The following NBAS variants were observed in gnomAD, a reference collection of about 807,000 sequenced individuals.
NBAS encodes NBAS subunit of NRZ tethering complex, also known as NAG/BC035112 fusion.
A neutral mutation model predicts 302.5 loss-of-function variants in NBAS; 219 were observed. The observed-to-expected ratio is 0.72, with a 90% CI of 0.65 to 0.81. NBAS has a LOEUF of 0.81. NBAS is among the 30% of genes least tolerant of loss of function. The pLI is 0.00. For synonymous variants in NBAS, 1,118 were observed against 1,021.6 expected (o/e 1.09, Z -1.80); for missense variants, 2,932 against 2,841.6 (o/e 1.03, Z -0.72).
intron 40 of NBAS, among the ~76,000 whole-genome samples, chr2:15,307,858 C>T (rs1465153737): frequency 1.3e-5 from 2 of 152,070 alleles, no homozygotes; most frequent in Non-Finnish European, 2.9e-5. Context: ...ATGTTGCCTA[C>T]TTTCCTAAGT....
Position 15,327,795 on chromosome 2 carries a change from A to C in NBAS, c.4537T>G (p.Leu1513Val). The change falls in exon 38 of 52, where the codon TTG becomes GTG. Residue 1513 changes from leucine to valine, a missense_variant. Physicochemically the swap from Leu to Val is conservative, Grantham distance 32. Coordinates refer to ENST00000281513, the MANE Select transcript of NBAS (RefSeq NM_015909.4). ...TCTCCTTTATTTTTAGCCTCTGCCA[A>C]TTTTCCAGTTCTCAGCAATACTTCT... ...FAEVLLRTGK[L>V]AEAKNKGEVF... 1 of 1,613,626 alleles carries C rather than the reference A, an allele frequency of 6.2e-7. No homozygotes were observed. The highest frequency in any genetic ancestry group is 8.5e-7 in the Non-Finnish European group (1 of 1,179,784).
At chr2:14,822,507 G>C in the NBAS span, among the ~76,000 whole-genome samples, 1 of 152,124 alleles carries the variant, frequency 6.6e-6, no homozygotes, top group African/African-American at 2.4e-5. Flanking sequence ...TTTGGCCTAT[G>C]GCTTTTGTAT....
the NBAS span, among the ~76,000 whole-genome samples, chr2:15,103,123 G>A: frequency 3.6e-4 from 54 of 152,026 alleles, no homozygotes; most frequent in Non-Finnish European, 7.2e-4. Context: ...ATGTTTTTGA[G>A]GAAACAAACC....
intron 44 of NBAS, among the ~76,000 whole-genome samples, chr2:15,242,849 T>C (rs1324307948): frequency 2.0e-5 from 3 of 152,112 alleles, no homozygotes; most frequent in South Asian, 2.1e-4. Flanking sequence ...TAAAGATAAG[T>C]GGCTAAACCG....
Position 15,351,319 on chromosome 2 carries a change from G to C in NBAS, c.4179+673C>G, listed in dbSNP as rs571998582. Among the ~76,000 whole-genome samples the C allele has an allele frequency of 3.2e-4, 49 of 152,240 alleles. No individual in the cohort carries two copies. The South Asian group carries it at 1.0e-2, about 31-fold the overall frequency. ...TTAAAACAAAAACAAAAGTCACAAA[G>C]ATCTGGTTATCAGGATTAGTCAGGA... On this transcript the variant is annotated intron_variant, in intron 35 of 51. Transcript: ENST00000281513.
intron 6 of NBAS, among the ~76,000 whole-genome samples, chr2:15,546,274 T>C (rs571710052): frequency 6.6e-5 from 10 of 152,314 alleles, no homozygotes; most frequent in Non-Finnish European, 1.3e-4. Context: ...TTCTTTTCTT[T>C]TTTCTCACTT....
chr2:15,030,384 C>A, the NBAS span, among the ~76,000 whole-genome samples: 1 of 152,244 alleles, frequency 6.6e-6, no homozygotes, highest in African/African-American at 2.4e-5. Context: ...ATTATTGGAG[C>A]TTTGTCAGCA....
intron 44 of NBAS, among the ~76,000 whole-genome samples, chr2:15,252,986 C>T (rs1466555821): frequency 2.0e-5 from 3 of 151,850 alleles, no homozygotes; most frequent in East Asian, 3.9e-4. Context: ...GAAGGTGACA[C>T]CTGAAGCAGA....
intron 48 of NBAS, among the ~76,000 whole-genome samples, chr2:15,210,694 C>T (rs1353403845): frequency 6.6e-6 from 1 of 152,142 alleles, no homozygotes; most frequent in East Asian, 1.9e-4. Flanking sequence ...CAACACTGTT[C>T]ACAACAGCCA....
At chr2:15,432,288 A>G in intron 21 of NBAS, among the ~76,000 whole-genome samples, 1 of 151,990 alleles carries the variant, frequency 6.6e-6, no homozygotes. Context: ...AAAAAAAAAA[A>G]AAAGGATTAT....
chr2:15,229,539 T>C (rs1374000294), intron 47 of NBAS, among the ~76,000 whole-genome samples: 3 of 151,868 alleles, frequency 2.0e-5, no homozygotes, highest in African/African-American at 7.3e-5. Flanking sequence ...CCCAACACTT[T>C]GGGAGGCCGA....
At chr2:15,282,457 T>C (rs977678810) in intron 42 of NBAS, among the ~76,000 whole-genome samples, 3 of 152,198 alleles carry the variant, frequency 2.0e-5, no homozygotes, top group African/African-American at 7.2e-5. Flanking sequence ...ATAGACCTTG[T>C]TCTTACCCAT....
chr2:15,553,765 C>T (rs1303306199), intron 4 of NBAS, among the ~76,000 whole-genome samples: 3 of 132,690 alleles, frequency 2.3e-5, no homozygotes, highest in Non-Finnish European at 4.8e-5. Context: ...CTTCTCTTTA[C>T]CTCCCTCCCT....
At chr2:15,109,418 T>C in the NBAS span, among the ~76,000 whole-genome samples, 1 of 152,280 alleles carries the variant, frequency 6.6e-6, no homozygotes, top group South Asian at 2.1e-4. Context: ...TCCCTGCTCC[T>C]TACCCCATGG....
chr2:15,381,367 A>G (rs1675026348), intron 29 of NBAS, among the ~76,000 whole-genome samples: 1 of 152,166 alleles, frequency 6.6e-6, no homozygotes, highest in African/African-American at 2.4e-5. Context: ...TGTCAAATCT[A>G]TATTACTGTC....
At chr2:15,498,316 T>C (rs537834853) in intron 11 of NBAS, among the ~76,000 whole-genome samples, 80 of 152,336 alleles carry the variant, frequency 5.3e-4, no homozygotes, top group Non-Finnish European at 9.4e-4. Flanking sequence ...TACTATACCT[T>C]TTGAGTTGTG....
chr2:14,927,137 C>G, the NBAS span, among the ~76,000 whole-genome samples: 3 of 152,226 alleles, frequency 2.0e-5, no homozygotes, highest in Non-Finnish European at 4.4e-5. Flanking sequence ...GGTTTCCCAG[C>G]AGATGGCCTT....
intron 11 of NBAS, among the ~76,000 whole-genome samples, chr2:15,503,158 T>C (rs531792370): frequency 1.3e-5 from 2 of 152,242 alleles, no homozygotes; most frequent in South Asian, 4.2e-4. Flanking sequence ...ACTCATGGAG[T>C]TGTAATCTCC....
At chr2:15,317,832 T>C (rs1328784857) in intron 38 of NBAS, among the ~76,000 whole-genome samples, 3 of 152,220 alleles carry the variant, frequency 2.0e-5, no homozygotes, top group Non-Finnish European at 4.4e-5. Flanking sequence ...CTTCAGGATA[T>C]GATCCAGGAG....
Sources: gnomAD v4.1 joint callset for allele counts (sites outside exome capture counted in the v4.1 genomes callset) on GRCh38, gnomAD v4.1.1 for gene constraint, MANE v1.5 for transcripts, NCBI Gene and HGNC (gene_info 2026-07-23, HGNC 2026-07-21) for gene names.